The following PKD2L2 variants were observed in gnomAD, a reference collection of about 807,000 sequenced individuals.
PKD2L2 encodes the protein polycystin 2 like 2, transient receptor potential cation channel, also known as polycystin-2-like protein 2.
In PKD2L2, 67 loss-of-function variants were observed where a neutral mutation model predicts 83.9. The ratio of observed to expected loss-of-function variants is 0.80; its 90% CI spans 0.66 to 0.98. The LOEUF (loss-of-function observed/expected upper bound fraction) is 0.98. Among genes scored for constraint, PKD2L2 ranks in the 50% least tolerant of loss-of-function variants. The probability of loss-of-function intolerance (pLI) is 0.00; values close to 1 mark genes in which losing one functional copy is unlikely to be tolerated. For synonymous variants in PKD2L2, 223 were observed against 237.8 expected, an observed-to-expected ratio of 0.94 and a Z score of 0.57; for missense variants, 632 against 717.2, an observed-to-expected ratio of 0.88 and a Z score of 1.36.
intron 14 of PKD2L2, among the ~76,000 whole-genome samples, chr5:137,936,687 C>T (rs1760450524): frequency 1.3e-5 from 2 of 152,226 alleles, no homozygotes; most frequent in South Asian, 4.1e-4. Context: ...GATCTCCTGA[C>T]CTCGTGATCC....
At chr5:137,926,873 GTGAGACT>G (rs1296141471) in intron 12 of PKD2L2, among the ~76,000 whole-genome samples, 4 of 152,170 alleles carry the variant, frequency 2.6e-5, no homozygotes, top group Non-Finnish European at 5.9e-5. Context: ...AGGGCCGACT[GTGAGACT>G]TGAGTATATG....
chr5:137,899,862 T>C, intron 5 of PKD2L2, 125 bp downstream of exon 5: 1 of 501,564 alleles, frequency 2.0e-6, no homozygotes, highest in East Asian at 3.2e-5. Flanking sequence ...TATGGATTTT[T>C]TTCAGTAAAT....
chr5:137,909,204 AT>A (rs1757607544), intron 8 of PKD2L2, among the ~76,000 whole-genome samples: 1 of 151,852 alleles, frequency 6.6e-6, no homozygotes, highest in South Asian at 2.1e-4. Context: ...GGTTGATTAC[AT>A]TTTTATTATT....
At chr5:137,934,544 C>T (rs1182631277) in intron 12 of PKD2L2, among the ~76,000 whole-genome samples, 4 of 152,054 alleles carry the variant, frequency 2.6e-5, no homozygotes, top group Non-Finnish European at 4.4e-5. Flanking sequence ...CGCGGTGGCT[C>T]GCACCTGTAA....
At chr5:137,923,195 T>C (rs1759083455) in intron 9 of PKD2L2, among the ~76,000 whole-genome samples, 1 of 152,032 alleles carries the variant, frequency 6.6e-6, no homozygotes, top group Non-Finnish European at 1.5e-5. Context: ...TTTGTATTTT[T>C]AGTAGAGACA....
intron 4 of PKD2L2, among the ~76,000 whole-genome samples, chr5:137,899,171 G>T (rs1756742316): frequency 6.6e-6 from 1 of 152,106 alleles, no homozygotes; most frequent in Admixed American, 6.5e-5. Context: ...GGGCTGGAGT[G>T]CAGTGGCATG....
At chr5:137,934,905 TGTTG>T (rs1760193457) in intron 12 of PKD2L2, among the ~76,000 whole-genome samples, 1 of 151,042 alleles carries the variant, frequency 6.6e-6, no homozygotes, top group Admixed American at 6.6e-5. Flanking sequence ...GAAAAAAAAA[TGTTG>T]GTTTAAAGAA....
chr5:137,929,664 GA>G (rs1759703775), intron 12 of PKD2L2, among the ~76,000 whole-genome samples: 1 of 143,290 alleles, frequency 7.0e-6, no homozygotes. Context: ...TACTTAAAAA[GA>G]AAAATATTTT....
At position 137,918,947 on chromosome 5, in the gene PKD2L2, TGTGTGTGTGTGTGTGTGTGTGA is replaced by T. The variant is rs1344960818; in HGVS notation, c.1329-2670_1329-2649del. ...GGCAAGGTCCAGGGCCTGCACAATG[TGTGTGTGTGTGTGTGTGTGTGA>T]GTGTGTGTGTGTGTGTGTAGGGAGA... On this transcript the variant is annotated intron_variant, in intron 8 of 14. Transcript: ENST00000508883. 1.6e-3 allele frequency among the ~76,000 whole-genome samples: 225 copies of T among 139,722 alleles called. 1 individual carries two copies. The highest frequency in any genetic ancestry group is 0.013 in the South Asian group (56 of 4,414). 91.7% of individuals were successfully genotyped at this position (139,722 alleles called of 152,430 possible).
chr5:137,908,513 C>A (rs1351795314), intron 7 of PKD2L2, among the ~76,000 whole-genome samples: 1 of 151,852 alleles, frequency 6.6e-6, no homozygotes, highest in African/African-American at 2.4e-5. Flanking sequence ...ATCACTTGAA[C>A]CTAGGGGGCA....
intron 8 of PKD2L2, among the ~76,000 whole-genome samples, chr5:137,918,944 ATGTGT>A (rs1758630941): frequency 6.8e-6 from 1 of 146,220 alleles, no homozygotes; most frequent in Admixed American, 6.9e-5. Flanking sequence ...GGCCTGCACA[ATGTGT>A]GTGTGTGTGT....
In PKD2L2 at chr5:137,935,894, A is replaced by G; in HGVS notation, c.1769A>G (p.Gln590Arg). 6.3e-7 allele frequency: 1 copy of G among 1,575,030 alleles called. No homozygotes were observed. The highest frequency in any genetic ancestry group is 8.7e-7 in the Non-Finnish European group (1 of 1,144,806). Residue 590 changes from glutamine (Q) to arginine (R), a missense_variant, in exon 13 of 15, where the codon CAA becomes CGA. Gln to Arg is a conservative substitution (Grantham distance 43). Transcript: ENST00000508883. Reference sequence around the variant, plus strand: ...CAAGATGACTACCAGCCTGTCACTCAAGAAGAATTTCGAGAGTAAGCTTAT... The same window carrying G: ...CAAGATGACTACCAGCCTGTCACTCGAGAAGAATTTCGAGAGTAAGCTTAT... ...EIQDDYQPVT[Q>R]EEFRELFLYA...
rs1755746037 is a variant in PKD2L2 at position 137,889,530 on chromosome 5, G to A, written c.31+8G>A. 1 of 1,552,000 alleles carries A rather than the reference G, an allele frequency of 6.4e-7. No individual in the cohort carries two copies. Among genetic ancestry groups the A allele is most frequent in the East Asian group, 2.6e-5 (1 of 38,704 alleles). On this transcript the variant is annotated splice_region_variant and intron_variant, in intron 1 of 14. Coordinates refer to ENST00000508883, the MANE Select transcript of PKD2L2 (RefSeq NM_001300921.2). ...CACGGTGGCACCGAGGCGGTGAGGG[G>A]TCCTCTTAAGGAGTGGGAGGGACAG... is the stretch of plus-strand genomic sequence containing the variant.
chr5:137,920,352 T>G (rs1360389873), intron 8 of PKD2L2, among the ~76,000 whole-genome samples: 1 of 152,226 alleles, frequency 6.6e-6, no homozygotes, highest in Non-Finnish European at 1.5e-5. Context: ...ATTCTACTTG[T>G]TACTACTGTG....
At chr5:137,924,627 G>A (rs1223671354) in intron 10 of PKD2L2, among the ~76,000 whole-genome samples, 3 of 152,102 alleles carry the variant, frequency 2.0e-5, no homozygotes, top group Non-Finnish European at 4.4e-5. Context: ...TGGGGTTTAC[G>A]AACTTTGTCC....
intron 12 of PKD2L2, among the ~76,000 whole-genome samples, chr5:137,929,629 T>C (rs1759700738): frequency 7.6e-6 from 1 of 131,788 alleles, no homozygotes. Context: ...ATATCTAACA[T>C]AAATACATGC....
At chr5:137,899,263 C>G (rs911237452) in intron 4 of PKD2L2, among the ~76,000 whole-genome samples, 2 of 152,078 alleles carry the variant, frequency 1.3e-5, no homozygotes, top group African/African-American at 2.4e-5. Context: ...ACTACAGGCA[C>G]ATGCCACCAT....
chr5:137,940,828 A>G (rs1228443584), intron 14 of PKD2L2, among the ~76,000 whole-genome samples: 11 of 152,240 alleles, frequency 7.2e-5, no homozygotes, highest in Admixed American at 7.2e-4. Flanking sequence ...GCATCAAACT[A>G]TCCTAACTAT....
At chr5:137,915,762 A>T (rs1758272839) in intron 8 of PKD2L2, among the ~76,000 whole-genome samples, 1 of 152,242 alleles carries the variant, frequency 6.6e-6, no homozygotes, top group Admixed American at 6.5e-5. Flanking sequence ...TTAATGCATT[A>T]GTCTCTTAAA....
Sources: gnomAD v4.1 joint callset for allele counts (sites outside exome capture counted in the v4.1 genomes callset) on GRCh38, gnomAD v4.1.1 for gene constraint, MANE v1.5 for transcripts, NCBI Gene and HGNC (gene_info 2026-07-23, HGNC 2026-07-21) for gene names.